HHIP: variants seen among roughly 807,000 people sequenced by gnomAD.
The protein encoded by HHIP is hedgehog-interacting protein.
Under a neutral mutation model 74.0 loss-of-function variants are expected in HHIP, and 12 were observed. The ratio of observed to expected loss-of-function variants is 0.16; its 90% CI spans 0.10 to 0.26. The LOEUF is 0.26. Ranked by LOEUF, HHIP falls within the 10% of genes least tolerant of loss-of-function variation. The probability of loss-of-function intolerance (pLI) is 1.00; values close to 1 mark genes in which losing one functional copy is unlikely to be tolerated. For synonymous variants in HHIP, 309 were observed against 311.6 expected (o/e 0.99, Z 0.09); for missense variants, 788 against 845.0 (o/e 0.93, Z 0.84).
chr4:144,712,214 T>G (rs1049299065), intron 8 of HHIP, 143 bp downstream of exon 8: 2 of 682,126 alleles, frequency 2.9e-6, no homozygotes, highest in Non-Finnish European at 4.9e-6. Flanking sequence ...CAGGAGTAAA[T>G]TGCTCACTTT....
intron 4 of HHIP, among the ~76,000 whole-genome samples, chr4:144,699,768 A>G (rs1021410594): frequency 1.3e-5 from 2 of 151,632 alleles, no homozygotes; most frequent in Admixed American, 1.3e-4. Flanking sequence ...TTTTTTTAAT[A>G]TATCACAGAA....
rs921841117 is a variant in HHIP at position 144,743,458 on chromosome 4, T to A, written c.*5501T>A. ...GTGCTTAAAACCTGTTATTCTTCTT[T>A]GAGCCAGACTAAACAGTAACATTTA... On this transcript the variant is annotated 3_prime_UTR_variant, in exon 13 of 13. Transcript: ENST00000296575. 3 of 152,092 alleles carry A rather than the reference T, an allele frequency of 2.0e-5. No individual in the cohort carries two copies. In the East Asian group the frequency reaches 5.8e-4, roughly 29 times the overall value. 9.4% of individuals were successfully genotyped at this position (152,092 alleles called of 1,614,324 possible). A position where few individuals can be genotyped will look rare whatever the true frequency, so the allele number is the denominator to read the frequency against.
chr4:144,672,044 A>G (rs773599152), intron 4 of HHIP, among the ~76,000 whole-genome samples: 2 of 152,130 alleles, frequency 1.3e-5, no homozygotes, highest in Admixed American at 6.5e-5. Flanking sequence ...TTGTTCTACA[A>G]TTCTGAGGAA....
At position 144,698,629 on chromosome 4, in the gene HHIP, G is replaced by A. The variant is rs140130408; in HGVS notation, c.832-7902G>A. On this transcript the variant is annotated intron_variant, in intron 4 of 12. Coordinates refer to ENST00000296575, the MANE Select transcript of HHIP (RefSeq NM_022475.3). Reference sequence around the variant, plus strand: ...GTTGAGCATCAGCATTCCGTTAATTGGACTAAGTTTAAAGGAAAACCAAAT... The same window carrying A: ...GTTGAGCATCAGCATTCCGTTAATTAGACTAAGTTTAAAGGAAAACCAAAT... Among the ~76,000 whole-genome samples the A allele has an allele frequency of 2.6e-3, 395 of 152,130 alleles. 3 individuals are homozygous for A. The highest frequency in any genetic ancestry group is 9.2e-3 in the African/African-American group (380 of 41,516).
chr4:144,683,204 T>C (rs1198143627), intron 4 of HHIP, among the ~76,000 whole-genome samples: 2 of 152,182 alleles, frequency 1.3e-5, no homozygotes, highest in Admixed American at 6.5e-5. Flanking sequence ...CTGTTTTCTA[T>C]CTAAAATAAA....
At chr4:144,697,385 A>G (rs1272173036) in intron 4 of HHIP, among the ~76,000 whole-genome samples, 1 of 152,056 alleles carries the variant, frequency 6.6e-6, no homozygotes, top group Non-Finnish European at 1.5e-5. Flanking sequence ...TAATTTTATT[A>G]GAGCATTTTG....
At chr4:144,658,989 A>G in intron 3 of HHIP, 43 bp downstream of exon 3, 1 of 1,517,116 alleles carries the variant, frequency 6.6e-7, no homozygotes, top group Non-Finnish European at 9.0e-7. Flanking sequence ...AAAAAAACCC[A>G]ACTGACAAAT....
intron 11 of HHIP, among the ~76,000 whole-genome samples, chr4:144,726,279 C>T (rs1441539512): frequency 6.6e-6 from 1 of 151,618 alleles, no homozygotes; most frequent in Non-Finnish European, 1.5e-5. Flanking sequence ...AGATATAATC[C>T]AAGATTTCTG....
At chr4:144,710,598 A>C (rs1162126674) in intron 7 of HHIP, among the ~76,000 whole-genome samples, 1 of 151,932 alleles carries the variant, frequency 6.6e-6, no homozygotes, top group African/African-American at 2.4e-5. Context: ...TTTTGTTTTT[A>C]AGTAATTAAT....
intron 4 of HHIP, among the ~76,000 whole-genome samples, chr4:144,684,915 T>G (rs1203376798): frequency 1.3e-5 from 2 of 152,210 alleles, no homozygotes; most frequent in East Asian, 3.9e-4. Flanking sequence ...TTCATTATCT[T>G]GGCCCCCTGC....
Position 144,743,286 on chromosome 4 carries a change from A to G in HHIP, c.*5329A>G, listed in dbSNP as rs2126704180. The G allele has an allele frequency of 6.6e-6, 1 of 151,546 alleles. No individual in the cohort carries two copies. Among genetic ancestry groups the G allele is most frequent in the South Asian group, 2.1e-4 (1 of 4,810 alleles). 9.4% of individuals were successfully genotyped at this position (151,546 alleles called of 1,614,324 possible). A position where few individuals can be genotyped will look rare whatever the true frequency, so the allele number is the denominator to read the frequency against. On this transcript the variant is annotated 3_prime_UTR_variant, in exon 13 of 13. Transcript: ENST00000296575. ...AGGTTTGTTCACTTATGAGATTAGG[A>G]CTTTTCTTAAATTCCTCATTAAATA...
At chr4:144,706,209 C>G (rs940575003) in intron 4 of HHIP, among the ~76,000 whole-genome samples, 3 of 152,126 alleles carry the variant, frequency 2.0e-5, no homozygotes, top group Admixed American at 6.5e-5. Flanking sequence ...AACCTAGTAA[C>G]CCGGGAAAGA....
At chr4:144,700,013 T>TTA (rs1248741290) in intron 4 of HHIP, among the ~76,000 whole-genome samples, 1 of 152,168 alleles carries the variant, frequency 6.6e-6, no homozygotes, top group African/African-American at 2.4e-5. Context: ...TAGAAATGGT[T>TTA]TATATATATT....
At chr4:144,679,056 T>C (rs1729258029) in intron 4 of HHIP, among the ~76,000 whole-genome samples, 1 of 152,244 alleles carries the variant, frequency 6.6e-6, no homozygotes, top group Non-Finnish European at 1.5e-5. Context: ...TTCCTGACTT[T>C]TTAATGATCT....
At chr4:144,666,572 A>G (rs1728869740) in intron 4 of HHIP, among the ~76,000 whole-genome samples, 1 of 152,218 alleles carries the variant, frequency 6.6e-6, no homozygotes, top group Non-Finnish European at 1.5e-5. Flanking sequence ...AGCAAGTACC[A>G]CAGACAGATT....
At chr4:144,719,456 C>T (rs556984657) in intron 11 of HHIP, among the ~76,000 whole-genome samples, 2 of 152,116 alleles carry the variant, frequency 1.3e-5, no homozygotes, top group East Asian at 1.9e-4. Context: ...GGTGACTAGA[C>T]AAATAAAAAC....
At chr4:144,649,850 T>C (rs1336828111) in intron 1 of HHIP, among the ~76,000 whole-genome samples, 1 of 152,098 alleles carries the variant, frequency 6.6e-6, no homozygotes, top group Non-Finnish European at 1.5e-5. Flanking sequence ...CATCCTGGGG[T>C]CCCTTTAACA....
At chr4:144,656,720 G>A (rs2126584201) in intron 2 of HHIP, among the ~76,000 whole-genome samples, 1 of 152,248 alleles carries the variant, frequency 6.6e-6, no homozygotes, top group South Asian at 2.1e-4. Flanking sequence ...TAGGCATGGA[G>A]ATTTTGTTGC....
intron 4 of HHIP, among the ~76,000 whole-genome samples, chr4:144,665,156 C>G (rs1008350574): frequency 1.1e-4 from 16 of 152,166 alleles, no homozygotes; most frequent in Non-Finnish European, 2.2e-4. Context: ...CTCACTGTAA[C>G]CTCCTGGGTT....
Sources: allele counts gnomAD v4.1 joint callset (sites outside exome capture counted in the v4.1 genomes callset), GRCh38; gene constraint gnomAD v4.1.1; transcripts MANE v1.5; gene names NCBI Gene and HGNC (gene_info 2026-07-23, HGNC 2026-07-21).